The following GRK6 variants were observed in gnomAD, a reference collection of about 807,000 sequenced individuals.
GRK6 encodes G protein-coupled receptor kinase 6.
In GRK6, 37 loss-of-function variants were observed where a neutral mutation model predicts 80.8. The ratio of observed to expected loss-of-function variants is 0.46; its 90% CI spans 0.35 to 0.60. GRK6 has a LOEUF of 0.60. Ranked by LOEUF, GRK6 falls within the 20% of genes least tolerant of loss-of-function variation. The probability of loss-of-function intolerance (pLI) is 0.00; values close to 1 mark genes in which losing one functional copy is unlikely to be tolerated. For synonymous variants in GRK6, 295 were observed against 320.9 expected (o/e 0.92, Z 0.86); for missense variants, 560 against 784.6 (o/e 0.71, Z 3.42).
intron 13 of GRK6, among the ~76,000 whole-genome samples, chr5:177,436,900 TCTC>T (rs1764185839): frequency 6.6e-6 from 1 of 151,882 alleles, no homozygotes; most frequent in Non-Finnish European, 1.5e-5. Context: ...TCTCCTCTCC[TCTC>T]CTTCCTTCCT....
rs767138670 is a variant in GRK6, at chr5:177,436,197, G to A, written c.1182G>A (p.Arg394=). 1.2e-6 allele frequency: 2 copies of A among 1,614,216 alleles called. No individual in the cohort carries two copies. The highest frequency in any genetic ancestry group is 1.1e-5 in the South Asian group (1 of 91,086). Residue 394 remains arginine (R), a synonymous_variant, in exon 12 of 16, where the codon CGG becomes CGA. Coordinates refer to ENST00000355472, the MANE Select transcript of GRK6 (RefSeq NM_001004106.3). ...AGCAGAGGAAGAAGAAGATCAAGCG[G>A]GAGGAGGTGGAGCGGCTGGTGAAGG... ...PFQQRKKKIK[R]EEVERLVKEV...
rs1263482602 is a variant in GRK6, at chr5:177,429,853, C to G, written c.53-1019C>G. ...TGTCTCCCATTCACTACGTAACACACATGGAGAAGCTGAGGTTCACAGATA... is the reference window on the plus strand; with the variant it reads ...TGTCTCCCATTCACTACGTAACACAGATGGAGAAGCTGAGGTTCACAGATA... On this transcript the variant is annotated intron_variant, in intron 1 of 15. Transcript: ENST00000355472. The surrounding 1 kb of genome is among the most constrained non-coding windows in gnomAD (Gnocchi z 4.3). Among the ~76,000 whole-genome samples the G allele has an allele frequency of 6.6e-6, 1 of 152,160 alleles. No individual in the cohort carries two copies. Among genetic ancestry groups the G allele is most frequent in the East Asian group, 1.9e-4 (1 of 5,192 alleles).
intron 8 of GRK6, 70 bp from the exon 9 acceptor site, chr5:177,433,844 T>C: frequency 1.3e-6 from 2 of 1,492,382 alleles, no homozygotes; most frequent in South Asian, 2.7e-5. Context: ...CCGAGAAGGC[T>C]TTTTTGGGCA....
Position 177,436,285 on chromosome 5 carries a change from C to A in GRK6, c.1266+4C>A. 1 of 1,613,944 alleles carries A rather than the reference C, an allele frequency of 6.2e-7. No individual in the cohort carries two copies. Among genetic ancestry groups the A allele is most frequent in the Non-Finnish European group, 8.5e-7 (1 of 1,179,942 alleles). On this transcript the variant is annotated splice_donor_region_variant and intron_variant, in intron 12 of 15. Transcript: ENST00000355472. The stretch of plus-strand genomic sequence containing the variant: ...GGCCCGCTCACTTTGCTCACAGGTA[C>A]GGCAGCTCACAGAAGCCTGGCCAGC...
At chr5:177,427,599 A>G (rs2127368700) in intron 1 of GRK6, among the ~76,000 whole-genome samples, 1 of 152,222 alleles carries the variant, frequency 6.6e-6, no homozygotes, top group Non-Finnish European at 1.5e-5. Flanking sequence ...CTCCCACCCC[A>G]GATGTTATCA....
At position 177,432,124 on chromosome 5, in the gene GRK6, C is replaced by T. The variant is rs768660143; in HGVS notation, c.261+17C>T. On this transcript the variant is annotated intron_variant, in intron 3 of 15. Coordinates refer to ENST00000355472, the MANE Select transcript of GRK6 (RefSeq NM_001004106.3). Reference sequence around the variant, plus strand: ...GATGGGGTGGTGAGTGCAGCCCAGCCCTGCCCAGCCCCGCGGGTGGCCGAG... The same window carrying T: ...GATGGGGTGGTGAGTGCAGCCCAGCTCTGCCCAGCCCCGCGGGTGGCCGAG... 3.1e-6 allele frequency: 5 copies of T among 1,608,574 alleles called. No individual in the cohort carries two copies. Among genetic ancestry groups the T allele is most frequent in the Admixed American group, 1.7e-5 (1 of 59,784 alleles).
In GRK6 at chr5:177,432,065, G is replaced by C. The variant is rs535367119; in HGVS notation, c.219G>C (p.Thr73=). 2 of 1,612,986 alleles carry C rather than the reference G, an allele frequency of 1.2e-6. No individual in the cohort carries two copies. Among genetic ancestry groups the C allele is most frequent in the Non-Finnish European group, 1.7e-6 (2 of 1,179,638 alleles). The change falls in exon 3 of 16, where the codon ACG becomes ACC. Residue 73 remains threonine, a synonymous_variant. Transcript: ENST00000355472. ...TGCTGTTCCGAGAGTTCTGTGCCAC[G>C]AGGCCGGAGCTGAGCCGCTGCGTCG... The part of the protein sequence containing the change: ...GRLLFREFCA[T]RPELSRCVAF...
chr5:177,436,329 A>G lies in GRK6; in HGVS notation c.1266+48A>G, dbSNP rs760408992. On this transcript the variant is annotated intron_variant, in intron 12 of 15. Coordinates refer to ENST00000355472, the MANE Select transcript of GRK6 (RefSeq NM_001004106.3). The stretch of plus-strand genomic sequence containing the variant: ...GGCCAGCCAGGGCTGGGGTGGATGC[A>G]CCTTTCCCTCCCTCCCACCCACTCA... The G allele has an allele frequency of 4.4e-6, 7 of 1,607,548 alleles. No individual in the cohort carries two copies. In the South Asian group the frequency reaches 7.7e-5, roughly 18 times the overall value.
chr5:177,437,182 T>C (rs1581686252), intron 13 of GRK6, among the ~76,000 whole-genome samples: 2 of 152,282 alleles, frequency 1.3e-5, no homozygotes, highest in South Asian at 4.1e-4. Context: ...CTTGAAATCC[T>C]GACCTCAGGT....
At chr5:177,430,569 A>G (rs1001501276) in intron 1 of GRK6, 4 of 381,470 alleles carry the variant, frequency 1.0e-5, no homozygotes, top group Middle Eastern at 7.5e-4. Flanking sequence ...CACCGGGGGA[A>G]CTCCTACCTG....
chr5:177,441,866 T>A lies in GRK6; in HGVS notation c.*76T>A, dbSNP rs1428655847. The A allele has an allele frequency of 1.5e-6, 2 of 1,315,680 alleles. No individual in the cohort carries two copies. The highest frequency in any genetic ancestry group is 1.7e-5 in the Admixed American group (1 of 58,034). 81.5% of individuals were successfully genotyped at this position (1,315,680 alleles called of 1,614,324 possible). ...CGCCGTTTACAGTTTTGCACAGTGA[T>A]CTTCCCCATTGTCCACTCAAGTCGT... On this transcript the variant is annotated 3_prime_UTR_variant, in exon 16 of 16. Transcript: ENST00000355472.
chr5:177,442,100 G>T lies in GRK6; in HGVS notation c.*310G>T. ...TCTTAATTCCCGCCGCAGACCTGGC[G>T]CCCCCGCCTTGGCTCCTGGGGGCAG... On this transcript the variant is annotated 3_prime_UTR_variant, in exon 16 of 16. Transcript: ENST00000355472. 1 of 374,328 alleles carries T rather than the reference G, an allele frequency of 2.7e-6. No individual in the cohort carries two copies. Among genetic ancestry groups the T allele is most frequent in the East Asian group, 4.8e-5 (1 of 20,918 alleles). 23.2% of individuals were successfully genotyped at this position (374,328 alleles called of 1,614,324 possible). A position where few individuals can be genotyped will look rare whatever the true frequency, so the allele number is the denominator to read the frequency against.
intron 11 of GRK6, among the ~76,000 whole-genome samples, chr5:177,435,577 C>T (rs1202533808): frequency 6.6e-6 from 1 of 152,222 alleles, no homozygotes; most frequent in Non-Finnish European, 1.5e-5. Context: ...CTCCGCTGCT[C>T]CCGGCCTCAC....
In GRK6 at chr5:177,442,486, C is replaced by T. The variant is rs1436568724; in HGVS notation, c.*696C>T. The T allele has an allele frequency of 6.5e-6, 1 of 153,094 alleles. No homozygotes were observed. Among genetic ancestry groups the T allele is most frequent in the Non-Finnish European group, 1.5e-5 (1 of 68,368 alleles). The allele number at this position is 153,094 out of a possible 1,614,324, so 9.5% of individuals were successfully genotyped here. On this transcript the variant is annotated 3_prime_UTR_variant, in exon 16 of 16. Coordinates refer to ENST00000355472, the MANE Select transcript of GRK6 (RefSeq NM_001004106.3). ...CCTTCCAGCTCCCACAGCCTGGTCCCTGATACTGGGCTCTGTCCTGCAGAC... is the reference window on the plus strand; with the variant it reads ...CCTTCCAGCTCCCACAGCCTGGTCCTTGATACTGGGCTCTGTCCTGCAGAC...
chr5:177,440,194 G>T lies in GRK6; in HGVS notation c.1405-506G>T, dbSNP rs1464126119. Among the ~76,000 whole-genome samples, 52 of 152,234 alleles carry T rather than the reference G, an allele frequency of 3.4e-4. 1 individual carries two copies. Among genetic ancestry groups the T allele is most frequent in the Non-Finnish European group, 1.2e-4 (8 of 68,044 alleles). ...AATGTTAAGATAAAAAAAGAAGGTG[G>T]CCGCCTGGAGCTGAGGTGGGCTCCC... is the stretch of plus-strand genomic sequence containing the variant. On this transcript the variant is annotated intron_variant, in intron 13 of 15. Transcript: ENST00000355472.
At chr5:177,430,258 C>T (rs1286014587) in intron 1 of GRK6, among the ~76,000 whole-genome samples, 1 of 152,212 alleles carries the variant, frequency 6.6e-6, no homozygotes, top group Non-Finnish European at 1.5e-5. Context: ...TGCAGGCAAT[C>T]GAACTGCTGC....
Position 177,432,043 on chromosome 5 carries a change from TGTTCCGAGA to T in GRK6, c.202_210del (p.Arg68_Phe70del). 1 of 1,613,232 alleles carries T rather than the reference TGTTCCGAGA, an allele frequency of 6.2e-7. No homozygotes were observed. Among genetic ancestry groups the T allele is most frequent in the Admixed American group, 1.7e-5 (1 of 59,984 alleles). ...GAGCGGCAGCCCATTGGGCGCCTGC[TGTTCCGAGA>T]GTTCTGTGCCACGAGGCCGGAGCTG... On this transcript the variant is annotated inframe_deletion, in exon 3 of 16. Coordinates refer to ENST00000355472, the MANE Select transcript of GRK6 (RefSeq NM_001004106.3).
chr5:177,441,124 G>A lies in GRK6; in HGVS notation c.1677+71G>A, dbSNP rs375215599. Reference sequence around the variant, plus strand: ...GGGACGGTGGGTGGGAGGCAGAGCCGGTGCCCGCATGCGCTGGGAGTGGGC... The same window carrying A: ...GGGACGGTGGGTGGGAGGCAGAGCCAGTGCCCGCATGCGCTGGGAGTGGGC... On this transcript the variant is annotated intron_variant, in intron 15 of 15. Transcript: ENST00000355472. 1.6e-4 allele frequency: 250 copies of A among 1,577,690 alleles called. 1 individual carries two copies. Among genetic ancestry groups the A allele is most frequent in the East Asian group, 2.6e-4 (11 of 43,134 alleles).
Position 177,429,811 on chromosome 5 carries a change from C to T in GRK6, c.53-1061C>T, listed in dbSNP as rs1442787804. Among the ~76,000 whole-genome samples the T allele has an allele frequency of 6.6e-6, 1 of 152,164 alleles. No individual in the cohort carries two copies. The highest frequency in any genetic ancestry group is 1.5e-5 in the Non-Finnish European group (1 of 68,034). On this transcript the variant is annotated intron_variant, in intron 1 of 15. Coordinates refer to ENST00000355472, the MANE Select transcript of GRK6 (RefSeq NM_001004106.3). The surrounding 1 kb of genome is among the most constrained non-coding windows in gnomAD (Gnocchi z 4.3). ...TTGGGGTTCACCTCTTGACTCAGCC[C>T]TACTTGATGTGGACAGTGTCTCCCA...
Sources: gnomAD v4.1 joint callset for allele counts (sites outside exome capture counted in the v4.1 genomes callset) on GRCh38, gnomAD v4.1.1 for gene constraint, Gnocchi (gnomAD v3.1) non-coding constraint, MANE v1.5 for transcripts, NCBI Gene and HGNC (gene_info 2026-07-23, HGNC 2026-07-21) for gene names.